Variants in KCNQ1 observed in about 807,000 individuals in gnomAD.
KCNQ1 encodes potassium voltage-gated channel subfamily KQT member 1.
In KCNQ1, 49 loss-of-function variants were observed where a neutral mutation model predicts 72.4. That is an observed-to-expected ratio of 0.68 (90% CI 0.54 to 0.86). The LOEUF (loss-of-function observed/expected upper bound fraction) is 0.86, where lower values mean the gene tolerates loss of function less well. KCNQ1 is among the 40% of genes least tolerant of loss of function. KCNQ1 has a pLI of 0.00. For missense variants in KCNQ1, 790 were observed against 945.1 expected, an observed-to-expected ratio of 0.84 and a Z score of 2.15; for synonymous variants, 450 against 412.6, an observed-to-expected ratio of 1.09 and a Z score of -1.10.
Position 2,645,900 on chromosome 11 carries a change from A to G in KCNQ1, c.1394-16061A>G, listed in dbSNP as rs1005789569. 2 of 398,478 alleles carry G rather than the reference A, an allele frequency of 5.0e-6. No homozygotes were observed. The highest frequency in any genetic ancestry group is 4.4e-5 in the Admixed American group (1 of 22,716). The allele number at this position is 398,478 out of a possible 1,614,324, so 24.7% of individuals were successfully genotyped here. ...TGATCTCCCTCTCTGGGAGCTGTTC[A>G]TTGCCATTTCACAGTCTGTAGGTAG... On this transcript the variant is annotated intron_variant, in intron 10 of 15. Transcript: ENST00000155840. This position sits in a 1 kb window ranked among gnomAD's most constrained non-coding sequence, Gnocchi z 5.8.
At position 2,464,939 on chromosome 11, in the gene KCNQ1, A is replaced by G. The variant is rs1047442401; in HGVS notation, c.386+19455A>G. 3.3e-5 allele frequency among the ~76,000 whole-genome samples: 5 copies of G among 152,056 alleles called. No homozygotes were observed. The highest frequency in any genetic ancestry group is 1.3e-4 in the Admixed American group (2 of 15,288). The stretch of plus-strand genomic sequence containing the variant: ...AGCAATCTCTGGGGTCCTGGGCACC[A>G]ACTCTGGGCACTGATGGGCTGGTCC... On this transcript the variant is annotated intron_variant, in intron 1 of 15. Coordinates refer to ENST00000155840, the MANE Select transcript of KCNQ1 (RefSeq NM_000218.3). The surrounding 1 kb of genome is among the most constrained non-coding windows in gnomAD (Gnocchi z 5.0).
rs1590085212 is a variant in KCNQ1 at position 2,781,622 on chromosome 11, G to A, written c.1794+3585G>A. Among the ~76,000 whole-genome samples, 2 of 152,206 alleles carry A rather than the reference G, an allele frequency of 1.3e-5. No individual in the cohort carries two copies. The highest frequency in any genetic ancestry group is 2.1e-4 in the South Asian group (1 of 4,838). On this transcript the variant is annotated intron_variant, in intron 15 of 15. Coordinates refer to ENST00000155840, the MANE Select transcript of KCNQ1 (RefSeq NM_000218.3). The surrounding 1 kb of genome is among the most constrained non-coding windows in gnomAD (Gnocchi z 6.6). ...TTCTGAGGAATCGATGGCAGAGGCC[G>A]CTCCAGCCCTCCTCCCCCAGCAAGT...
Position 2,674,491 on chromosome 11 carries a change from C to T in KCNQ1, c.1514+12410C>T, listed in dbSNP as rs1455346739. The stretch of plus-strand genomic sequence containing the variant: ...CCTGTCGAGATGTGTAAGATGGCCC[C>T]AGTGTTACTAGGCACTAGATGGCAC... On this transcript the variant is annotated intron_variant, in intron 11 of 15. Coordinates refer to ENST00000155840, the MANE Select transcript of KCNQ1 (RefSeq NM_000218.3). The surrounding 1 kb of genome is among the most constrained non-coding windows in gnomAD (Gnocchi z 5.9). The T allele has an allele frequency of 5.0e-6, 2 of 398,504 alleles. No individual in the cohort carries two copies. The highest frequency in any genetic ancestry group is 8.8e-6 in the Non-Finnish European group (2 of 226,100). 24.7% of individuals were successfully genotyped at this position (398,504 alleles called of 1,614,324 possible). A position where few individuals can be genotyped will look rare whatever the true frequency, so the allele number is the denominator to read the frequency against.
In KCNQ1 at chr11:2,704,520, G is replaced by A. The variant is rs1398278388; in HGVS notation, c.1514+42439G>A. Among the ~76,000 whole-genome samples, 1 of 152,214 alleles carries A rather than the reference G, an allele frequency of 6.6e-6. No individual in the cohort carries two copies. Among genetic ancestry groups the A allele is most frequent in the African/African-American group, 2.4e-5 (1 of 41,454 alleles). On this transcript the variant is annotated intron_variant, in intron 11 of 15. Coordinates refer to ENST00000155840, the MANE Select transcript of KCNQ1 (RefSeq NM_000218.3). This position sits in a 1 kb window ranked among gnomAD's most constrained non-coding sequence, Gnocchi z 4.3. ...CCTTGTAGGCTGTCGTCAGAGGGGA[G>A]GCACAGTGGGGAGTCTCTAGGAGGT... is the stretch of plus-strand genomic sequence containing the variant.
At chr11:2,684,123 G>C in intron 11 of KCNQ1, 1 of 398,542 alleles carries the variant, frequency 2.5e-6, no homozygotes, top group Admixed American at 4.4e-5. Flanking sequence ...ATTCTTAAGG[G>C]GACCGTTTCC....
intron 11 of KCNQ1, among the ~76,000 whole-genome samples, chr11:2,733,814 A>ACACACACACTCTCTCT: frequency 9.2e-5 from 8 of 86,648 alleles, no homozygotes; most frequent in Admixed American, 3.7e-4. Flanking sequence ...ACACACACAC[A>ACACACACACTCTCTCT]CTCTCTCACT....
intron 11 of KCNQ1, among the ~76,000 whole-genome samples, chr11:2,736,628 T>G (rs958675874): frequency 9.9e-5 from 15 of 152,000 alleles, no homozygotes; most frequent in Non-Finnish European, 2.1e-4. Context: ...CACCCCCCAG[T>G]TACACAGCCT....
chr11:2,702,900 C>T (rs231840), intron 11 of KCNQ1, among the ~76,000 whole-genome samples: 55,820 of 152,046 alleles, frequency 0.37, 11,204 homozygotes, highest in East Asian at 0.82. Flanking sequence ...CACGGGGTGC[C>T]GTCAATCAGC....
chr11:2,587,255 C>G (rs1362561577), intron 8 of KCNQ1, among the ~76,000 whole-genome samples: 1 of 152,218 alleles, frequency 6.6e-6, no homozygotes, highest in Non-Finnish European at 1.5e-5. Flanking sequence ...TGCGACCTGC[C>G]CACCTTTGCA....
At chr11:2,619,737 C>A in intron 10 of KCNQ1, 1 of 397,466 alleles carries the variant, frequency 2.5e-6, no homozygotes, top group Admixed American at 4.4e-5. Context: ...GAAGTATTCC[C>A]TATAGCTGCA....
At chr11:2,631,382 C>T (rs1349331925) in intron 10 of KCNQ1, 4 of 398,238 alleles carry the variant, frequency 1.0e-5, no homozygotes, top group Non-Finnish European at 1.3e-5. Flanking sequence ...CTTTCTATTT[C>T]ACTTTTCATT....
Position 2,621,069 on chromosome 11 carries a change from C to T in KCNQ1, c.1393+32215C>T, listed in dbSNP as rs11529573. ...CTCGGCTCACTGCAACCTCCACCTCCTGGGTTCAAGCAATTCTCCTGTCTC... is the reference window on the plus strand; with the variant it reads ...CTCGGCTCACTGCAACCTCCACCTCTTGGGTTCAAGCAATTCTCCTGTCTC... On this transcript the variant is annotated intron_variant, in intron 10 of 15. Transcript: ENST00000155840. This position sits in a 1 kb window ranked among gnomAD's most constrained non-coding sequence, Gnocchi z 5.7. The T allele has an allele frequency of 0.56, 220,976 of 396,610 alleles. 63,476 individuals are homozygous for T. Among genetic ancestry groups the T allele is most frequent in the East Asian group, 0.77 (21,472 of 28,012 alleles). 24.6% of individuals were successfully genotyped at this position (396,610 alleles called of 1,614,324 possible).
At chr11:2,576,674 C>T (rs1336720577) in intron 6 of KCNQ1, among the ~76,000 whole-genome samples, 1 of 152,274 alleles carries the variant, frequency 6.6e-6, no homozygotes, top group East Asian at 1.9e-4. Context: ...GCCTCCCTGG[C>T]AACGCTGCAC....
chr11:2,517,947 T>TG (rs1847315774), intron 1 of KCNQ1, among the ~76,000 whole-genome samples: 1 of 152,162 alleles, frequency 6.6e-6, no homozygotes. Context: ...TGGTGTGCGG[T>TG]GGGATAGGAA....
chr11:2,535,446 C>T (rs547150244), intron 2 of KCNQ1, among the ~76,000 whole-genome samples: 3 of 152,350 alleles, frequency 2.0e-5, no homozygotes, highest in Admixed American at 6.5e-5. Context: ...GAAGCCACTG[C>T]CCTGTGGGGA....
intron 11 of KCNQ1, among the ~76,000 whole-genome samples, chr11:2,732,077 T>G (rs574412729): frequency 1.3e-5 from 2 of 152,274 alleles, no homozygotes; most frequent in South Asian, 4.1e-4. Flanking sequence ...TTTTTGCCCT[T>G]TAGGGTTTTT....
At chr11:2,452,385 C>T (rs1356073832) in intron 1 of KCNQ1, among the ~76,000 whole-genome samples, 1 of 152,088 alleles carries the variant, frequency 6.6e-6, no homozygotes, top group African/African-American at 2.4e-5. Context: ...GACCCCTCAC[C>T]CCACCCTGGG....
rs1462067100 is a variant in KCNQ1, at chr11:2,478,947, G to A, written c.386+33463G>A. Among the ~76,000 whole-genome samples the A allele has an allele frequency of 6.6e-6, 1 of 152,182 alleles. No individual in the cohort carries two copies. ...CACCCATTTGAAATGGGAGTAATTG[G>A]CCAAAACGAAGGGGCTAAAGGCCCC... is the stretch of plus-strand genomic sequence containing the variant. On this transcript the variant is annotated intron_variant, in intron 1 of 15. Transcript: ENST00000155840. This position sits in a 1 kb window ranked among gnomAD's most constrained non-coding sequence, Gnocchi z 4.0.
At chr11:2,459,898 T>A (rs1208647904) in intron 1 of KCNQ1, among the ~76,000 whole-genome samples, 1 of 151,924 alleles carries the variant, frequency 6.6e-6, no homozygotes, top group African/African-American at 2.4e-5. Context: ...TTTTTTTTTT[T>A]AAATGTGGTT....
Sources: gnomAD v4.1 joint callset for allele counts (sites outside exome capture counted in the v4.1 genomes callset) on GRCh38, gnomAD v4.1.1 for gene constraint, Gnocchi (gnomAD v3.1) non-coding constraint, MANE v1.5 for transcripts, NCBI Gene and HGNC (gene_info 2026-07-23, HGNC 2026-07-21) for gene names.